FGGY: variants seen among roughly 807,000 people sequenced by gnomAD.
FGGY encodes the protein FGGY carbohydrate kinase domain-containing protein.
FGGY carries 72 observed loss-of-function variants against 71.3 expected under a neutral mutation model. The observed-to-expected ratio is 1.01, with a 90% CI of 0.84 to 1.23. FGGY has a LOEUF of 1.23. Among genes scored for constraint, FGGY ranks in the 50% most tolerant of loss-of-function variants. The probability of loss-of-function intolerance (pLI) is 0.00; values close to 1 mark genes in which losing one functional copy is unlikely to be tolerated. For missense variants in FGGY, 668 were observed against 682.3 expected (o/e 0.98, Z 0.23); for synonymous variants, 251 against 250.3 (o/e 1.00, Z -0.02).
At chr1:59,588,805 G>A (rs545731325) in intron 8 of FGGY, among the ~76,000 whole-genome samples, 2 of 152,294 alleles carry the variant, frequency 1.3e-5, no homozygotes, top group South Asian at 2.1e-4. Context: ...AACATGGAAA[G>A]GAACAACCGG....
intron 5 of FGGY, among the ~76,000 whole-genome samples, chr1:59,387,992 A>G (rs961703155): frequency 3.3e-5 from 5 of 152,184 alleles, no homozygotes; most frequent in African/African-American, 9.7e-5. Context: ...ATTAAAACAT[A>G]TTAGCTAAAT....
intron 7 of FGGY, among the ~76,000 whole-genome samples, chr1:59,539,143 G>T (rs527829608): frequency 5.7e-4 from 87 of 152,176 alleles, no homozygotes; most frequent in African/African-American, 2.0e-3. Flanking sequence ...TAAATCGAGG[G>T]ATATATGATG....
intron 8 of FGGY, among the ~76,000 whole-genome samples, chr1:59,570,977 G>A (rs183667952): frequency 1.2e-4 from 19 of 152,254 alleles, no homozygotes; most frequent in Admixed American, 1.2e-3. Flanking sequence ...GATATTTGAA[G>A]CCACATCTTC....
intron 1 of FGGY, among the ~76,000 whole-genome samples, chr1:59,310,832 T>G (rs778632209): frequency 1.1e-4 from 17 of 152,246 alleles, no homozygotes; most frequent in Non-Finnish European, 2.4e-4. Flanking sequence ...TTGCTCATAA[T>G]GCTGCTAGAA....
intron 14 of FGGY, among the ~76,000 whole-genome samples, chr1:59,686,002 C>T (rs2097541009): frequency 6.6e-6 from 1 of 152,212 alleles, no homozygotes; most frequent in Admixed American, 6.5e-5. Context: ...ATCATTATTT[C>T]TTTAAAAATG....
intron 14 of FGGY, among the ~76,000 whole-genome samples, chr1:59,675,639 A>G (rs181434025): frequency 1.3e-5 from 2 of 152,218 alleles, no homozygotes; most frequent in Non-Finnish European, 2.9e-5. Flanking sequence ...GCACATGGAG[A>G]TATTTGTTGT....
intron 6 of FGGY, among the ~76,000 whole-genome samples, chr1:59,506,676 G>A (rs1009189175): frequency 3.3e-5 from 5 of 152,114 alleles, no homozygotes; most frequent in South Asian, 2.1e-4. Flanking sequence ...GCGTGTGCCC[G>A]TAGTCCCAGC....
At chr1:59,359,915 C>T (rs1385479150) in intron 4 of FGGY, among the ~76,000 whole-genome samples, 1 of 152,050 alleles carries the variant, frequency 6.6e-6, no homozygotes, top group East Asian at 1.9e-4. Flanking sequence ...TGGCTCTATC[C>T]TACCTGGCCT....
At chr1:59,311,051 A>G (rs114850442) in intron 1 of FGGY, among the ~76,000 whole-genome samples, 45 of 152,210 alleles carry the variant, frequency 3.0e-4, no homozygotes, top group African/African-American at 1.0e-3. Context: ...TCGTGACATC[A>G]GGTAGTCTGT....
At chr1:59,675,661 T>C (rs1157710356) in intron 14 of FGGY, among the ~76,000 whole-genome samples, 1 of 152,252 alleles carries the variant, frequency 6.6e-6, no homozygotes, top group African/African-American at 2.4e-5. Context: ...GAAATATCAA[T>C]GAATTGTCAA....
At chr1:59,656,187 T>C (rs988050524) in intron 11 of FGGY, among the ~76,000 whole-genome samples, 3 of 152,208 alleles carry the variant, frequency 2.0e-5, no homozygotes, top group African/African-American at 7.2e-5. Context: ...CCCTACACAT[T>C]TGTCTGTCTC....
At chr1:59,448,821 A>G (rs1174393827) in intron 5 of FGGY, among the ~76,000 whole-genome samples, 1 of 152,180 alleles carries the variant, frequency 6.6e-6, no homozygotes, top group African/African-American at 2.4e-5. Flanking sequence ...ATAAAATAAT[A>G]ACATTCTTTT....
At chr1:59,624,145 A>G (rs1283452521) in intron 9 of FGGY, among the ~76,000 whole-genome samples, 1 of 151,804 alleles carries the variant, frequency 6.6e-6, no homozygotes, top group Non-Finnish European at 1.5e-5. Context: ...TTTCATTGAA[A>G]TGACCAATGT....
At chr1:59,579,993 A>G (rs557790442) in intron 8 of FGGY, among the ~76,000 whole-genome samples, 5 of 152,216 alleles carry the variant, frequency 3.3e-5, no homozygotes, top group African/African-American at 9.6e-5. Flanking sequence ...CCTCTGCCAC[A>G]GGGCCTTTGT....
chr1:59,304,825 C>A (rs142754618), intron 1 of FGGY, among the ~76,000 whole-genome samples: 42 of 152,072 alleles, frequency 2.8e-4, no homozygotes, highest in African/African-American at 1.0e-3. Context: ...CTTTTTGATG[C>A]CCTTCTAAGT....
chr1:59,712,237 CTCAT>C (rs926590684), intron 14 of FGGY, among the ~76,000 whole-genome samples: 35 of 152,332 alleles, frequency 2.3e-4, no homozygotes, highest in African/African-American at 8.4e-4. Context: ...CCAGGTCACA[CTCAT>C]GCAAGATGTA....
rs139439871 is a variant in FGGY at position 59,426,312 on chromosome 1, C to T, written c.555-30649C>T. On this transcript the variant is annotated intron_variant, in intron 5 of 15. Transcript: ENST00000303721. ...GAAATGGATTGGGGCAGAGGAATTG[C>T]GGAGCTCCATGGCATAGAGGGTCCT... Among the ~76,000 whole-genome samples, 220 of 151,884 alleles carry T rather than the reference C, an allele frequency of 1.4e-3. 1 individual carries two copies. The highest frequency in any genetic ancestry group is 5.0e-3 in the African/African-American group (209 of 41,398).
chr1:59,520,798 A>G (rs2094804410), intron 7 of FGGY, among the ~76,000 whole-genome samples: 1 of 152,160 alleles, frequency 6.6e-6, no homozygotes, highest in Non-Finnish European at 1.5e-5. Flanking sequence ...CTAAGTGTGG[A>G]AAATGTCACC....
At chr1:59,731,909 C>G (rs1387188801) in intron 14 of FGGY, among the ~76,000 whole-genome samples, 1 of 152,160 alleles carries the variant, frequency 6.6e-6, no homozygotes, top group East Asian at 1.9e-4. Context: ...GCCCCATCTT[C>G]CTCTTGCTAG....
Sources: gnomAD v4.1 joint callset for allele counts (sites outside exome capture counted in the v4.1 genomes callset) on GRCh38, gnomAD v4.1.1 for gene constraint, MANE v1.5 for transcripts, NCBI Gene and HGNC (gene_info 2026-07-23, HGNC 2026-07-21) for gene names.